The following LVRN variants were observed in gnomAD, a reference collection of about 807,000 sequenced individuals.
LVRN encodes the protein aminopeptidase Q.
LVRN carries 99 observed loss-of-function variants against 111.4 expected under a neutral mutation model. The observed-to-expected ratio is 0.89, with a 90% CI of 0.76 to 1.05. LVRN has a LOEUF of 1.05. Among genes scored for constraint, LVRN ranks in the 50% least tolerant of loss-of-function variants. The pLI is 0.00. For synonymous variants in LVRN, 488 were observed against 449.5 expected (o/e 1.09, Z -1.08); for missense variants, 1,414 against 1,206.8 (o/e 1.17, Z -2.54).
intron 1 of LVRN, chr5:115,975,213 C>T: frequency 4.1e-6 from 2 of 483,284 alleles, no homozygotes; most frequent in Middle Eastern, 1.1e-3. Flanking sequence ...CTAACAAAAT[C>T]TTCATTATCT....
chr5:116,004,139 A>G (rs1396568203), intron 12 of LVRN, among the ~76,000 whole-genome samples: 1 of 152,200 alleles, frequency 6.6e-6, no homozygotes, highest in Non-Finnish European at 1.5e-5. Context: ...GAAAATACTA[A>G]TTTTACTTCT....
At chr5:116,002,798 T>C (rs1162409203) in intron 10 of LVRN, 37 bp from the exon 11 acceptor site, 1 of 1,469,422 alleles carries the variant, frequency 6.8e-7, no homozygotes, top group East Asian at 2.3e-5. Flanking sequence ...TTTTTATGTG[T>C]GAAAAGTAAC....
chr5:115,971,840 TTAAA>T (rs1353894295), intron 1 of LVRN, among the ~76,000 whole-genome samples: 1 of 152,076 alleles, frequency 6.6e-6, no homozygotes, highest in Non-Finnish European at 1.5e-5. Flanking sequence ...TTAATATCTA[TTAAA>T]TAAAGAAAAA....
intron 9 of LVRN, 133 bp downstream of exon 9, chr5:116,000,791 TG>T (rs780392740): frequency 1.4e-5 from 14 of 976,622 alleles, no homozygotes; most frequent in Non-Finnish European, 2.0e-5. Flanking sequence ...CCTTAGGTCA[TG>T]GGTAGTGTCT....
At chr5:115,994,853 T>C (rs1748071407) in intron 6 of LVRN, among the ~76,000 whole-genome samples, 1 of 152,224 alleles carries the variant, frequency 6.6e-6, no homozygotes, top group Non-Finnish European at 1.5e-5. Context: ...GACTTAATGT[T>C]ATCTTTTGAT....
At chr5:116,004,353 G>A (rs748368739) in intron 12 of LVRN, among the ~76,000 whole-genome samples, 11 of 152,312 alleles carry the variant, frequency 7.2e-5, no homozygotes, top group Non-Finnish European at 1.2e-4. Context: ...TTAGGAGTCA[G>A]TACAGTTGGC....
chr5:115,982,214 G>A (rs957667072), intron 1 of LVRN, among the ~76,000 whole-genome samples: 5 of 152,186 alleles, frequency 3.3e-5, no homozygotes, highest in Admixed American at 1.3e-4. Flanking sequence ...TTGTTTGCAC[G>A]TGCCAACCGT....
At chr5:115,996,773 A>G (rs1442892442) in intron 6 of LVRN, among the ~76,000 whole-genome samples, 2 of 152,144 alleles carry the variant, frequency 1.3e-5, no homozygotes, top group African/African-American at 2.4e-5. Context: ...AGAAAGCAGC[A>G]GTCTTGGTGA....
intron 13 of LVRN, among the ~76,000 whole-genome samples, chr5:116,009,344 A>G (rs1748441298): frequency 6.6e-6 from 1 of 152,206 alleles, no homozygotes; most frequent in Admixed American, 6.5e-5. Flanking sequence ...GAGATGTACA[A>G]GGAGATTAAT....
At chr5:116,021,099 G>A (rs1748719397) in intron 18 of LVRN, 1 of 152,290 alleles carries the variant, frequency 6.6e-6, no homozygotes, top group South Asian at 2.1e-4. Flanking sequence ...AGTTTGCCAG[G>A]TAATCTAATA....
At chr5:116,000,933 C>G in intron 9 of LVRN, 134 bp from the exon 10 acceptor site, 1 of 1,001,216 alleles carries the variant, frequency 1.0e-6, no homozygotes, top group Non-Finnish European at 1.5e-6. Context: ...TAAATTTGCC[C>G]CAGAGGATCA....
chr5:116,014,844 T>C (rs913824389), intron 16 of LVRN, among the ~76,000 whole-genome samples: 1 of 152,126 alleles, frequency 6.6e-6, no homozygotes, highest in Non-Finnish European at 1.5e-5. Flanking sequence ...TTGTTTATGA[T>C]TGTTATATCT....
chr5:115,970,733 A>G (rs946916220), intron 1 of LVRN, among the ~76,000 whole-genome samples: 3 of 152,170 alleles, frequency 2.0e-5, no homozygotes, highest in African/African-American at 7.2e-5. Context: ...TACTGATAGC[A>G]TTTCATTGTA....
In LVRN at chr5:115,992,291, T is replaced by C. The variant is rs1419531167; in HGVS notation, c.1260+14T>C. The C allele has an allele frequency of 6.2e-7, 1 of 1,613,172 alleles. No individual in the cohort carries two copies. The highest frequency in any genetic ancestry group is 1.1e-5 in the South Asian group (1 of 90,866). ...ATTGGACACCAGGCATGTGGTAAAA[T>C]GTTCTTTTTATTTCACTTGAAGTTA... is the stretch of plus-strand genomic sequence containing the variant. On this transcript the variant is annotated intron_variant, in intron 5 of 19. Transcript: ENST00000357872.
At chr5:116,001,264 CT>C in intron 10 of LVRN, 25 bp downstream of exon 10, 1 of 1,610,024 alleles carries the variant, frequency 6.2e-7, no homozygotes, top group Non-Finnish European at 8.5e-7. Flanking sequence ...TCCTCTTTGT[CT>C]TCACCTTCCT....
chr5:116,022,116 C>G (rs1748742786), intron 18 of LVRN: 1 of 290,162 alleles, frequency 3.4e-6, no homozygotes, highest in African/African-American at 2.3e-5. Flanking sequence ...GACATGTATT[C>G]CAACTACCTC....
rs1183105500 is a variant in LVRN, at chr5:115,994,784, G to A, written c.1374+930G>A. Among the ~76,000 whole-genome samples the A allele has an allele frequency of 2.0e-5, 3 of 152,166 alleles. No individual in the cohort carries two copies. In the East Asian group the frequency reaches 5.8e-4, roughly 29 times the overall value. On this transcript the variant is annotated intron_variant, in intron 6 of 19. Transcript: ENST00000357872. The stretch of plus-strand genomic sequence containing the variant: ...TTAATTTATTTAGAGTAATTATGTA[G>A]TGCTTTTAGAATGCCATGATAAAAC...
chr5:116,009,336 G>C (rs1472752689), intron 13 of LVRN, among the ~76,000 whole-genome samples: 1 of 152,166 alleles, frequency 6.6e-6, no homozygotes, highest in Non-Finnish European at 1.5e-5. Context: ...CTATGATGGA[G>C]ATGTACAAGG....
chr5:116,000,680 A>G (rs1355403916), intron 9 of LVRN, 22 bp downstream of exon 9: 5 of 1,610,904 alleles, frequency 3.1e-6, no homozygotes, highest in Non-Finnish European at 3.4e-6. Flanking sequence ...ACTTTCTGAC[A>G]CATTCTTGCT....
Sources: allele counts gnomAD v4.1 joint callset (sites outside exome capture counted in the v4.1 genomes callset), GRCh38; gene constraint gnomAD v4.1.1; transcripts MANE v1.5; gene names NCBI Gene and HGNC (gene_info 2026-07-23, HGNC 2026-07-21).